Variants in LRRK1 observed in about 807,000 individuals in gnomAD.
The protein encoded by LRRK1 is leucine-rich repeat serine/threonine-protein kinase 1.
A neutral mutation model predicts 209.1 loss-of-function variants in LRRK1; 113 were observed. The ratio of observed to expected loss-of-function variants is 0.54; its 90% confidence interval spans 0.46 to 0.63. LRRK1 has a LOEUF of 0.63. LRRK1 is among the 30% of genes least tolerant of loss of function. The pLI is 0.00. For synonymous variants in LRRK1, 1,144 were observed against 1,099.7 expected (o/e 1.04, Z -0.80); for missense variants, 2,284 against 2,632.2 (o/e 0.87, Z 2.89).
Position 100,983,591 on chromosome 15 carries a change from A to G in LRRK1, c.325A>G (p.Lys109Glu). The change falls in exon 4 of 34, where the codon AAG becomes GAG. Residue 109 changes from lysine (K) to glutamate (E), a missense_variant. Transcript: ENST00000388948. Reference protein sequence around the residue: ...DLEMVRYLLSKRLVELPTEPT... With the variant: ...DLEMVRYLLSERLVELPTEPT... ...GGAGATGGTCCGCTACCTACTCAGC[A>G]AGAGACTGGTGGAGCTGCCCACCGA... is the stretch of plus-strand genomic sequence containing the variant. 1.2e-6 allele frequency: 2 copies of G among 1,612,290 alleles called. No homozygotes were observed. Among genetic ancestry groups the G allele is most frequent in the Non-Finnish European group, 1.7e-6 (2 of 1,178,790 alleles).
Position 101,027,872 on chromosome 15 carries a change from C to A in LRRK1, c.2686+75C>A. The A allele has an allele frequency of 7.2e-7, 1 of 1,380,500 alleles. No individual in the cohort carries two copies. Among genetic ancestry groups the A allele is most frequent in the Non-Finnish European group, 9.8e-7 (1 of 1,021,852 alleles). The allele number at this position is 1,380,500 out of a possible 1,614,324, so 85.5% of individuals were successfully genotyped here. On this transcript the variant is annotated intron_variant, in intron 19 of 33. Transcript: ENST00000388948. This position sits in a 1 kb window ranked among gnomAD's most constrained non-coding sequence, Gnocchi z 5.1. Reference sequence around the variant, plus strand: ...TCTGTACTTGCTAACTTCAGCTTGGCCTCAGTAATGAATGAGAGACCGACA... The same window carrying A: ...TCTGTACTTGCTAACTTCAGCTTGGACTCAGTAATGAATGAGAGACCGACA...
chr15:101,067,872 C>T (rs1320515375), intron 33 of LRRK1, among the ~76,000 whole-genome samples: 1 of 152,362 alleles, frequency 6.6e-6, no homozygotes, highest in African/African-American at 2.4e-5. Flanking sequence ...TAACGTTTAG[C>T]TGTTGTTTTT....
In LRRK1 at chr15:101,069,775, T is replaced by TAAAC. The variant is rs939734751; in HGVS notation, c.*929_*932dup. On this transcript the variant is annotated 3_prime_UTR_variant, in exon 34 of 34. Transcript: ENST00000388948. ...GATTTATACCAAATTATGTATTTGC[T>TAAAC]AAACATTCACTGCACACGTGTACAG... 6.5e-6 allele frequency: 1 copy of TAAAC among 152,674 alleles called. No individual in the cohort carries two copies. Among genetic ancestry groups the TAAAC allele is most frequent in the Admixed American group, 6.5e-5 (1 of 15,288 alleles). The allele number at this position is 152,674 out of a possible 1,614,324, so 9.5% of individuals were successfully genotyped here.
rs185384942 is a variant in LRRK1 at position 101,066,209 on chromosome 15, C to T, written c.5768+4C>T. 7.3e-4 allele frequency: 1,172 copies of T among 1,598,614 alleles called. 4 individuals are homozygous for T. Among genetic ancestry groups the T allele is most frequent in the South Asian group, 4.9e-3 (434 of 89,170 alleles). ...GAGACCTCATTTGGGTCCCCAGGTA[C>T]GTTTCCCGAGGTGAGGGCACCATCC... On this transcript the variant is annotated splice_donor_region_variant and intron_variant, in intron 32 of 33. Transcript: ENST00000388948.
At chr15:100,955,960 G>A (rs1363054119) in intron 2 of LRRK1, among the ~76,000 whole-genome samples, 4 of 152,014 alleles carry the variant, frequency 2.6e-5, no homozygotes, top group Non-Finnish European at 5.9e-5. Flanking sequence ...TTTTCTTATG[G>A]TGTTTTTATC....
intron 20 of LRRK1, among the ~76,000 whole-genome samples, chr15:101,045,610 A>G (rs1227335717): frequency 6.6e-6 from 1 of 152,186 alleles, no homozygotes; most frequent in African/African-American, 2.4e-5. Context: ...TTCCTTCATC[A>G]ACCAAAGTTA....
chr15:101,062,546 C>T (rs1396706354), intron 30 of LRRK1, 28 bp from the exon 31 acceptor site: 8 of 1,481,240 alleles, frequency 5.4e-6, no homozygotes, highest in African/African-American at 1.4e-5. Context: ...CAGCCTGGGT[C>T]TCACAGTGGA....
At chr15:100,923,313 G>A (rs1366672928) in intron 1 of LRRK1, among the ~76,000 whole-genome samples, 1 of 152,172 alleles carries the variant, frequency 6.6e-6, no homozygotes, top group African/African-American at 2.4e-5. Flanking sequence ...ATGTGACACA[G>A]GCAGTCCACA....
intron 33 of LRRK1, chr15:101,067,463 G>GTA (rs1555483726): frequency 7.0e-6 from 2 of 285,858 alleles, no homozygotes; most frequent in Non-Finnish European, 7.3e-6. Flanking sequence ...GTGTGTGTGT[G>GTA]TACTTTGGAG....
chr15:101,029,241 A>G lies in LRRK1; in HGVS notation c.2963+9A>G, dbSNP rs369427394. 1.7e-5 allele frequency: 28 copies of G among 1,601,668 alleles called. No individual in the cohort carries two copies. The African/African-American group carries it at 3.3e-4, about 19-fold the overall frequency. On this transcript the variant is annotated intron_variant, in intron 20 of 33. Coordinates refer to ENST00000388948, the MANE Select transcript of LRRK1 (RefSeq NM_024652.6). Reference sequence around the variant, plus strand: ...CCCGTCGCCAATGACAGGTGAGGACACAACTTAACACGCCAGGCTGTGCAG... The same window carrying G: ...CCCGTCGCCAATGACAGGTGAGGACGCAACTTAACACGCCAGGCTGTGCAG...
At chr15:100,939,028 C>G (rs28539864) in intron 2 of LRRK1, among the ~76,000 whole-genome samples, 29,821 of 152,080 alleles carry the variant, frequency 0.2, 3,155 homozygotes, top group South Asian at 0.29. Context: ...AGGAGATGGA[C>G]GTTACAGTGA....
intron 13 of LRRK1, chr15:101,021,613 G>T (rs769539383): frequency 7.2e-5 from 39 of 540,420 alleles, no homozygotes; most frequent in Non-Finnish European, 1.1e-4. Context: ...AAAGTTGGGG[G>T]AGGGGACTCA....
At chr15:100,998,756 A>C (rs1178381859) in intron 6 of LRRK1, among the ~76,000 whole-genome samples, 1 of 151,590 alleles carries the variant, frequency 6.6e-6, no homozygotes, top group Non-Finnish European at 1.5e-5. Flanking sequence ...AGAAGGATGG[A>C]TAGATAGATG....
rs376395009 is a variant in LRRK1, at chr15:101,022,624, C to T, written c.2067+27C>T. ...TCAAGGATGGTCTGCGTGCAGAGTCCCTGTGGGTGGGAGGAACATCCCTTG... is the reference window on the plus strand; with the variant it reads ...TCAAGGATGGTCTGCGTGCAGAGTCTCTGTGGGTGGGAGGAACATCCCTTG... On this transcript the variant is annotated intron_variant, in intron 15 of 33. Transcript: ENST00000388948. The surrounding 1 kb of genome is among the most constrained non-coding windows in gnomAD (Gnocchi z 4.0). 6.7e-7 allele frequency: 1 copy of T among 1,502,846 alleles called. No homozygotes were observed. Among genetic ancestry groups the T allele is most frequent in the South Asian group, 1.2e-5 (1 of 86,868 alleles). 93.1% of individuals were successfully genotyped at this position (1,502,846 alleles called of 1,614,324 possible).
intron 2 of LRRK1, among the ~76,000 whole-genome samples, chr15:100,934,421 C>T (rs1333660848): frequency 6.6e-6 from 1 of 152,098 alleles, no homozygotes; most frequent in South Asian, 2.1e-4. Flanking sequence ...GACACTGTTC[C>T]AGATGCTGGG....
chr15:100,951,176 G>A (rs577271182), intron 2 of LRRK1, among the ~76,000 whole-genome samples: 29 of 152,300 alleles, frequency 1.9e-4, no homozygotes, highest in African/African-American at 6.5e-4. Flanking sequence ...TGGCCAATCA[G>A]CACATGAAAA....
At chr15:100,928,203 C>T (rs1408007405) in intron 2 of LRRK1, among the ~76,000 whole-genome samples, 1 of 152,202 alleles carries the variant, frequency 6.6e-6, no homozygotes, top group Non-Finnish European at 1.5e-5. Context: ...AGAATCTAAA[C>T]GGTAAACCTC....
rs1482991512 is a variant in LRRK1, at chr15:101,022,208, GAGTTC to G, written c.1853-174_1853-170del. 2 of 677,364 alleles carry G rather than the reference GAGTTC, an allele frequency of 3.0e-6. No homozygotes were observed. Among genetic ancestry groups the G allele is most frequent in the African/African-American group, 3.6e-5 (2 of 55,564 alleles). 42.0% of individuals were successfully genotyped at this position (677,364 alleles called of 1,614,324 possible). ...TTTGTCCATAGGTTCTTGCCTCTTAGAGTTCGCTTTTAGGGTGGTTAGTGTCATGC... is the reference window on the plus strand; with the variant it reads ...TTTGTCCATAGGTTCTTGCCTCTTAGGCTTTTAGGGTGGTTAGTGTCATGC... On this transcript the variant is annotated intron_variant, in intron 14 of 33. Transcript: ENST00000388948. The surrounding 1 kb of genome is among the most constrained non-coding windows in gnomAD (Gnocchi z 4.0).
chr15:100,945,221 C>T (rs2042512921), intron 2 of LRRK1, among the ~76,000 whole-genome samples: 2 of 152,214 alleles, frequency 1.3e-5, no homozygotes, highest in South Asian at 2.1e-4. Context: ...AAAAATCTGA[C>T]AGATGTTGCT....
Sources: allele counts gnomAD v4.1 joint callset (sites outside exome capture counted in the v4.1 genomes callset), GRCh38; gene constraint gnomAD v4.1.1; non-coding constraint Gnocchi (gnomAD v3.1); transcripts MANE v1.5; gene names NCBI Gene and HGNC (gene_info 2026-07-23, HGNC 2026-07-21).